The following AHNAK variants were observed in gnomAD, a reference collection of about 807,000 sequenced individuals.
The protein encoded by AHNAK is neuroblast differentiation-associated protein AHNAK.
In AHNAK, 23 loss-of-function variants were observed where a neutral mutation model predicts 37.8. That is an observed-to-expected ratio of 0.61 (90% CI 0.44 to 0.86). The LOEUF (loss-of-function observed/expected upper bound fraction) is 0.86, where lower values mean the gene tolerates loss of function less well. Among genes scored for constraint, AHNAK ranks in the 40% least tolerant of loss-of-function variants. The probability of loss-of-function intolerance (pLI) is 0.00; values close to 1 mark genes in which losing one functional copy is unlikely to be tolerated. For synonymous variants in AHNAK, 2,481 were observed against 2,636.3 expected (o/e 0.94, Z 1.80); for missense variants, 7,411 against 7,319.4 (o/e 1.01, Z -0.46).
chr11:62,520,076 G>C lies in AHNAK; in HGVS notation c.14341C>G (p.Pro4781Ala), dbSNP rs150333342. ...CTGAATTTGGGCATTTTCACCTTGG[G>C]CATCTTCAGGTGCCAGTCTGGGCCA... ...VHGPDWHLKMPKVKMPKFSMP... is the reference protein window; with the variant it reads ...VHGPDWHLKMAKVKMPKFSMP... The change falls in exon 5 of 5, where the codon CCC becomes GCC. Residue 4781 changes from proline (P) to alanine (A), a missense_variant. By Grantham distance (27) the Pro-to-Ala change is conservative. Coordinates refer to ENST00000378024, the MANE Select transcript of AHNAK (RefSeq NM_001620.3). The C allele has an allele frequency of 1.9e-6, 3 of 1,612,536 alleles. No homozygotes were observed. Among genetic ancestry groups the C allele is most frequent in the South Asian group, 1.1e-5 (1 of 90,998 alleles).
intron 1 of AHNAK, among the ~76,000 whole-genome samples, chr11:62,541,118 G>C (rs1215181632): frequency 6.6e-6 from 1 of 152,202 alleles, no homozygotes; most frequent in East Asian, 1.9e-4. Context: ...CCTGCAGCCA[G>C]CGTCAGTGTG....
In AHNAK at chr11:62,532,028, G is replaced by A. The variant is rs1336372627; in HGVS notation, c.2389C>T (p.Pro797Ser). The A allele has an allele frequency of 6.2e-7, 1 of 1,613,062 alleles. No individual in the cohort carries two copies. Among genetic ancestry groups the A allele is most frequent in the Non-Finnish European group, 8.5e-7 (1 of 1,179,838 alleles). Reference protein sequence around the residue: ...VTAPDVSIEEPEGKLKGPKFK... With the variant: ...VTAPDVSIEESEGKLKGPKFK... ...TTGGGCCCTTTCAATTTCCCTTCTGGTTCCTCAATGCTCACATCAGGAGCA... is the reference window on the plus strand; with the variant it reads ...TTGGGCCCTTTCAATTTCCCTTCTGATTCCTCAATGCTCACATCAGGAGCA... Residue 797 changes from proline to serine, a missense_variant, in exon 5 of 5, where the codon CCA becomes TCA. Coordinates refer to ENST00000378024, the MANE Select transcript of AHNAK (RefSeq NM_001620.3).
chr11:62,467,836 A>G lies in AHNAK; in HGVS notation c.442+23896T>C, dbSNP rs538681728. ...ACTTTCAGCAACACATCTCTTCAGT[A>G]TATATTCAGTGGCCCAAAATGTCAT... On this transcript the variant is annotated intron_variant, in intron 5 of 5. Coordinates refer to the AHNAK transcript ENST00000257247. 4.6e-5 allele frequency among the ~76,000 whole-genome samples: 7 copies of G among 152,346 alleles called. 1 individual carries two copies. In the South Asian group the frequency reaches 1.2e-3, roughly 27 times the overall value.
At chr11:62,452,450 G>A (rs2134805592) in intron 5 of AHNAK, among the ~76,000 whole-genome samples, 1 of 152,302 alleles carries the variant, frequency 6.6e-6, no homozygotes, top group Middle Eastern at 3.4e-3. Context: ...GGGCTGAGAG[G>A]TCTGTTGGAT....
At chr11:62,486,518 G>A (rs1309914782) in intron 5 of AHNAK, among the ~76,000 whole-genome samples, 2 of 96,092 alleles carry the variant, frequency 2.1e-5, no homozygotes, top group African/African-American at 8.2e-5. Flanking sequence ...AAGGAAGGAA[G>A]AAAGGAAAGA....
In AHNAK at chr11:62,535,168, G is replaced by A. The variant is rs753690872; in HGVS notation, c.177C>T (p.Thr59=). ...VKEGDQIVGA[T]IYFDNLQSGE... Reference sequence around the variant, plus strand: ...CCGACTGCAGGTTGTCAAAGTAGATGGTGGCACCCACAATCTGGTCCCCTG... The same window carrying A: ...CCGACTGCAGGTTGTCAAAGTAGATAGTGGCACCCACAATCTGGTCCCCTG... The change falls in exon 4 of 5, where the codon ACC becomes ACT. Residue 59 remains threonine, a synonymous_variant. Transcript: ENST00000378024. 1 of 1,611,328 alleles carries A rather than the reference G, an allele frequency of 6.2e-7. No homozygotes were observed. The highest frequency in any genetic ancestry group is 8.5e-7 in the Non-Finnish European group (1 of 1,177,674).
chr11:62,433,674 G>A, exon 6 of AHNAK: 3 of 628,984 alleles, frequency 4.8e-6, no homozygotes, highest in Non-Finnish European at 8.3e-6. Flanking sequence ...AATGCACCAA[G>A]CAGGGCTTAT....
chr11:62,493,766 G>A (rs909163407), intron 4 of AHNAK, among the ~76,000 whole-genome samples: 46 of 152,054 alleles, frequency 3.0e-4, no homozygotes, highest in Middle Eastern at 3.4e-3. Flanking sequence ...CCACCTGGCC[G>A]GGCCAAATGG....
Position 62,521,644 on chromosome 11 carries a change from G to C in AHNAK, c.12773C>G (p.Ser4258Cys), listed in dbSNP as rs767986036. 1.1e-5 allele frequency: 17 copies of C among 1,613,596 alleles called. No individual in the cohort carries two copies. The highest frequency in any genetic ancestry group is 1.4e-5 in the Non-Finnish European group (16 of 1,179,970). Residue 4258 changes from serine (S) to cysteine (C), a missense_variant, in exon 5 of 5, where the codon TCC (serine) becomes TGC (cysteine). Coordinates refer to ENST00000378024, the MANE Select transcript of AHNAK (RefSeq NM_001620.3). ...CAGATGCAAATCAAAGTCAGGCATG[G>C]AGATCTTGGGGGCTTTGATGTTCAT... ...PEMNIKAPKI[S>C]MPDFDLHLKG...
rs1940120572 is a variant in AHNAK at position 62,518,838 on chromosome 11, T to C, written c.15579A>G (p.Gln5193=). 1.2e-6 allele frequency: 2 copies of C among 1,614,252 alleles called. No individual in the cohort carries two copies. Among genetic ancestry groups the C allele is most frequent in the Non-Finnish European group, 1.7e-6 (2 of 1,180,050 alleles). ...TTACATTCACATCAGGGATGGAGAC[T>C]TGAGGGGCAGAAATGCCGAAGGACG... The part of the protein sequence containing the change: ...KTPSFGISAP[Q]VSIPDVNVNL... The change falls in exon 5 of 5, where the codon CAA becomes CAG. Residue 5193 remains glutamine (Q), a synonymous_variant. Transcript: ENST00000378024.
At position 62,525,910 on chromosome 11, in the gene AHNAK, G is replaced by T. The variant is rs1362568301; in HGVS notation, c.8507C>A (p.Ser2836Tyr). ...GAGATTCAGGTCAATATCTGGCATG[G>T]ATATCTTTGGAGTCTTAAAATGCAT... ...PEMHFKTPKI[S>Y]MPDIDLNLTG... The change falls in exon 5 of 5, where the codon TCC (serine) becomes TAC (tyrosine). Residue 2836 changes from serine (S) to tyrosine (Y), a missense_variant. By Grantham distance (144) the Ser-to-Tyr change is moderately radical (BLOSUM62 -2). Coordinates refer to ENST00000378024, the MANE Select transcript of AHNAK (RefSeq NM_001620.3). 1.3e-5 allele frequency: 21 copies of T among 1,614,006 alleles called. No individual in the cohort carries two copies. The highest frequency in any genetic ancestry group is 1.8e-5 in the Non-Finnish European group (21 of 1,180,024).
intron 5 of AHNAK, among the ~76,000 whole-genome samples, chr11:62,454,716 A>T (rs1938618168): frequency 6.6e-6 from 1 of 151,830 alleles, no homozygotes; most frequent in Non-Finnish European, 1.5e-5. Context: ...GAAGAGTGGG[A>T]GGGGGAGGAG....
chr11:62,435,115 T>C (rs182257525), intron 5 of AHNAK, among the ~76,000 whole-genome samples: 3 of 152,118 alleles, frequency 2.0e-5, no homozygotes, highest in Admixed American at 6.6e-5. Flanking sequence ...CTCCCCCTAA[T>C]TGAGAATGAC....
Position 62,518,404 on chromosome 11 carries a change from A to G in AHNAK, c.16013T>C (p.Met5338Thr). 1.2e-6 allele frequency: 2 copies of G among 1,613,952 alleles called. No homozygotes were observed. The highest frequency in any genetic ancestry group is 1.7e-6 in the Non-Finnish European group (2 of 1,179,982). The change falls in exon 5 of 5, where the codon ATG becomes ACG. Residue 5338 changes from methionine to threonine, a missense_variant. Physicochemically the swap from Met to Thr is moderately conservative, Grantham distance 81. Coordinates refer to ENST00000378024, the MANE Select transcript of AHNAK (RefSeq NM_001620.3). ...GLNLSGVGGK[M>T]QVGGDGVKVP... Reference sequence around the variant, plus strand: ...TTTCACACCGTCTCCTCCCACCTGCATTTTGCCACCGACACCACTGAGGTT... The same window carrying G: ...TTTCACACCGTCTCCTCCCACCTGCGTTTTGCCACCGACACCACTGAGGTT...
rs1407890039 is a variant in AHNAK at position 62,524,235 on chromosome 11, G to A, written c.10182C>T (p.Val3394=). ...KVDINAPDVE[V]QGKVKGSKFK... ...ACTTGGATCCTTTCACTTTTCCTTG[G>A]ACCTCGACATCAGGAGCATTAATAT... Residue 3394 remains valine (V), a synonymous_variant, in exon 5 of 5, where the codon GTC becomes GTT. Transcript: ENST00000378024. 6.2e-7 allele frequency: 1 copy of A among 1,612,864 alleles called. No homozygotes were observed. The highest frequency in any genetic ancestry group is 1.1e-5 in the South Asian group (1 of 90,700).
rs1156362722 is a variant in AHNAK, at chr11:62,495,737, CAAAAAAAAA to C, written c.343-3915_343-3907del. Among the ~76,000 whole-genome samples the C allele has an allele frequency of 5.9e-5, 4 of 67,542 alleles. No individual in the cohort carries two copies. In the South Asian group the frequency reaches 2.1e-3, roughly 35 times the overall value. The allele number at this position is 67,542 out of a possible 152,430, so 44.3% of individuals were successfully genotyped here. On this transcript the variant is annotated intron_variant, in intron 4 of 5. Transcript: ENST00000257247. ...ATGGGGACAGAGCGAGACTCCGTCT[CAAAAAAAAA>C]AAAAAAAAATAGCAGTAATATGCCA...
chr11:62,452,763 A>G (rs959330889), intron 5 of AHNAK, among the ~76,000 whole-genome samples: 1 of 152,150 alleles, frequency 6.6e-6, no homozygotes, highest in South Asian at 2.1e-4. Context: ...GGCTTACCGC[A>G]CCTGTAATCC....
downstream of AHNAK, among the ~76,000 whole-genome samples, chr11:62,512,632 G>A (rs182859083): frequency 3.3e-4 from 51 of 152,260 alleles, no homozygotes; most frequent in African/African-American, 1.0e-3. The surrounding 1 kb of genome is among the most constrained non-coding windows in gnomAD (Gnocchi z 4.0). Context: ...GGCTAAGCGC[G>A]GTGGCTCATG....
intron 5 of AHNAK, among the ~76,000 whole-genome samples, chr11:62,445,361 C>G (rs1185635973): frequency 6.6e-6 from 1 of 152,182 alleles, no homozygotes; most frequent in Admixed American, 6.5e-5. Context: ...TACACACCAG[C>G]TTTAAATGTT....
Sources: allele counts gnomAD v4.1 joint callset (sites outside exome capture counted in the v4.1 genomes callset), GRCh38; gene constraint gnomAD v4.1.1; non-coding constraint Gnocchi (gnomAD v3.1); transcripts MANE v1.5; gene names NCBI Gene and HGNC (gene_info 2026-07-23, HGNC 2026-07-21).